The following SP140 variants were observed in gnomAD, a reference collection of about 807,000 sequenced individuals.
The protein encoded by SP140 is nuclear body protein SP140.
Under a neutral mutation model 125.0 loss-of-function variants are expected in SP140, and 81 were observed. That is an observed-to-expected ratio of 0.65 (90% CI 0.54 to 0.78). The LOEUF is 0.78. SP140 is among the 30% of genes least tolerant of loss of function. The pLI is 0.00. For synonymous variants in SP140, 312 were observed against 354.0 expected (o/e 0.88, Z 1.33); for missense variants, 858 against 1,037.0 (o/e 0.83, Z 2.37).
intron 22 of SP140, among the ~76,000 whole-genome samples, chr2:230,302,548 A>G (rs1354664756): frequency 2.0e-5 from 3 of 152,242 alleles, no homozygotes; most frequent in Non-Finnish European, 4.4e-5. Flanking sequence ...ACTGTACACT[A>G]GAACAAATGG....
chr2:230,271,735 T>C (rs917400227), intron 15 of SP140, among the ~76,000 whole-genome samples: 1 of 152,130 alleles, frequency 6.6e-6, no homozygotes, highest in Non-Finnish European at 1.5e-5. Context: ...AATCAAGTCT[T>C]GATGATTTAG....
the SP140 span, among the ~76,000 whole-genome samples, chr2:230,187,000 T>C: frequency 6.6e-6 from 1 of 152,208 alleles, no homozygotes; most frequent in Non-Finnish European, 1.5e-5. Context: ...TGACTTATTT[T>C]CCTTTGGGTT....
chr2:230,207,139 A>T (rs1250176742), intron 1 of SP140, among the ~76,000 whole-genome samples: 1 of 152,168 alleles, frequency 6.6e-6, no homozygotes, highest in Non-Finnish European at 1.5e-5. Context: ...ATCTCAAAGC[A>T]GCAAAGTTTT....
intron 16 of SP140, among the ~76,000 whole-genome samples, chr2:230,285,378 G>A (rs73106366): frequency 0.011 from 1,742 of 152,284 alleles, 48 homozygotes; most frequent in African/African-American, 0.04. Context: ...AGTTGATGTG[G>A]CTTCCTGGTT....
chr2:230,221,912 G>A, upstream of SP140: 1 of 622,404 alleles, frequency 1.6e-6, no homozygotes. Flanking sequence ...GAATGAGGAT[G>A]AAAGATGTTT....
chr2:230,231,072 T>C (rs2149055410), intron 1 of SP140, among the ~76,000 whole-genome samples: 1 of 152,356 alleles, frequency 6.6e-6, no homozygotes, highest in Middle Eastern at 3.4e-3. Flanking sequence ...TCATTTCTGT[T>C]ACATTGTTTT....
chr2:230,225,457 C>T (rs2046206718), upstream of SP140: 3 of 333,032 alleles, frequency 9.0e-6, no homozygotes, highest in African/African-American at 2.2e-5. Flanking sequence ...GTCTGGTCTT[C>T]ACTTGTCCTT....
intron 10 of SP140, among the ~76,000 whole-genome samples, chr2:230,251,832 G>A (rs750569352): frequency 1.8e-4 from 27 of 152,104 alleles, no homozygotes; most frequent in Non-Finnish European, 3.2e-4. Flanking sequence ...TTTAGGCAGG[G>A]AAAGTGCTGT....
intron 23 of SP140, chr2:230,310,260 G>T (rs746310382): frequency 2.2e-4 from 124 of 560,802 alleles, no homozygotes; most frequent in Non-Finnish European, 3.6e-4. Flanking sequence ...TATGCTGAGG[G>T]CAGTGTTGGG....
Position 230,269,627 on chromosome 2 carries a change from G to A in SP140, c.1327+9G>A. ...ATATGATAATGTACCAGGTAATTAT[G>A]ACTTAAAAATAGTGAAAACAGAAAC... is the stretch of plus-strand genomic sequence containing the variant. On this transcript the variant is annotated intron_variant, in intron 13 of 26. Coordinates refer to ENST00000392045, the MANE Select transcript of SP140 (RefSeq NM_007237.5). The A allele has an allele frequency of 3.4e-6, 5 of 1,472,520 alleles. No individual in the cohort carries two copies. In the South Asian group the frequency reaches 3.8e-5, roughly 11 times the overall value. The allele number at this position is 1,472,520 out of a possible 1,614,324, so 91.2% of individuals were successfully genotyped here.
intron 6 of SP140, among the ~76,000 whole-genome samples, chr2:230,245,593 C>G (rs536872663): frequency 6.6e-6 from 1 of 151,976 alleles, no homozygotes; most frequent in East Asian, 1.9e-4. Context: ...GAGAGGAAGT[C>G]AAGTCAAAGA....
intron 9 of SP140, among the ~76,000 whole-genome samples, chr2:230,250,634 CA>C (rs755138376): frequency 4.7e-4 from 71 of 152,016 alleles, no homozygotes; most frequent in Non-Finnish European, 9.0e-4. Flanking sequence ...AAGGCAGGAG[CA>C]GAGAATGGAG....
chr2:230,228,603 C>A (rs931714874), intron 1 of SP140, among the ~76,000 whole-genome samples: 6 of 152,170 alleles, frequency 3.9e-5, no homozygotes, highest in African/African-American at 1.2e-4. Flanking sequence ...GGATTGTGTA[C>A]CTTCTTGGAG....
At chr2:230,199,985 A>C (rs1418859110), upstream of SP140, among the ~76,000 whole-genome samples, 1 of 152,170 alleles carries the variant, frequency 6.6e-6, no homozygotes, top group African/African-American at 2.4e-5. Context: ...TCCATATCTT[A>C]ATTTCCTCAT....
intron 15 of SP140, among the ~76,000 whole-genome samples, chr2:230,272,667 T>C (rs1275489968): frequency 6.6e-6 from 1 of 152,158 alleles, no homozygotes; most frequent in Non-Finnish European, 1.5e-5. Flanking sequence ...TTACCCAGTC[T>C]TGGGTGTGTC....
At position 230,306,208 on chromosome 2, in the gene SP140, G is replaced by A. The variant is rs560523221; in HGVS notation, c.2059-3716G>A. Among the ~76,000 whole-genome samples, 43 of 152,332 alleles carry A rather than the reference G, an allele frequency of 2.8e-4. 1 individual carries two copies. In the South Asian group the frequency reaches 8.1e-3, roughly 29 times the overall value. On this transcript the variant is annotated intron_variant, in intron 22 of 26. Transcript: ENST00000392045. Reference sequence around the variant, plus strand: ...GGCAGGACCTGCTCTCAGGCCCAGAGCCTCTATCACAGCCTGGACCTCTTT... The same window carrying A: ...GGCAGGACCTGCTCTCAGGCCCAGAACCTCTATCACAGCCTGGACCTCTTT...
At chr2:230,223,173 A>C (rs754036954), upstream of SP140, among the ~76,000 whole-genome samples, 4 of 151,778 alleles carry the variant, frequency 2.6e-5, no homozygotes, top group Non-Finnish European at 5.9e-5. Context: ...AGTAGCTGGG[A>C]CTACAGGCAC....
intron 15 of SP140, among the ~76,000 whole-genome samples, chr2:230,271,095 A>C (rs1375259291): frequency 6.6e-6 from 1 of 152,222 alleles, no homozygotes; most frequent in African/African-American, 2.4e-5. Flanking sequence ...CCAGAAAGGA[A>C]TTACTTTAGC....
At chr2:230,280,331 T>G (rs2055357451) in intron 15 of SP140, among the ~76,000 whole-genome samples, 1 of 152,220 alleles carries the variant, frequency 6.6e-6, no homozygotes, top group Non-Finnish European at 1.5e-5. Context: ...TTACACAAAC[T>G]TTTATGATTT....
Sources: allele counts gnomAD v4.1 joint callset (sites outside exome capture counted in the v4.1 genomes callset), GRCh38; gene constraint gnomAD v4.1.1; transcripts MANE v1.5; gene names NCBI Gene and HGNC (gene_info 2026-07-23, HGNC 2026-07-21).